XRN2: variants seen among roughly 807,000 people sequenced by gnomAD.
XRN2 encodes the protein 5'-3' exoribonuclease 2, also known as DHM1-like protein.
Under a neutral mutation model 138.5 loss-of-function variants are expected in XRN2, and 44 were observed. That is an observed-to-expected ratio of 0.32 (90% CI 0.25 to 0.41). The LOEUF (loss-of-function observed/expected upper bound fraction) is 0.41. XRN2 is among the 10% of genes least tolerant of loss of function. The pLI, the probability that XRN2 is intolerant of heterozygous loss-of-function variation, is 1.00. For missense variants in XRN2, 937 were observed against 1,169.3 expected (o/e 0.80, Z 2.90); for synonymous variants, 354 against 369.4 (o/e 0.96, Z 0.48).
chr20:21,313,874 A>G (rs2037922029), intron 1 of XRN2, among the ~76,000 whole-genome samples: 1 of 152,166 alleles, frequency 6.6e-6, no homozygotes, highest in Non-Finnish European at 1.5e-5. Context: ...ATTTTCTCTA[A>G]TATGATTATT....
intron 1 of XRN2, among the ~76,000 whole-genome samples, chr20:21,317,474 A>G (rs1306434405): frequency 3.3e-5 from 5 of 152,272 alleles, no homozygotes; most frequent in Non-Finnish European, 7.3e-5. Context: ...ATGGTGTATA[A>G]TATTTTAATA....
chr20:21,330,797 GC>G, intron 6 of XRN2, 92 bp downstream of exon 6: 1 of 1,224,914 alleles, frequency 8.2e-7, no homozygotes, highest in African/African-American at 1.5e-5. Context: ...CTTCTGCCCT[GC>G]CCCATAAAAT....
At chr20:21,343,642 T>C (rs1443821065) in intron 15 of XRN2, among the ~76,000 whole-genome samples, 2 of 151,162 alleles carry the variant, frequency 1.3e-5, no homozygotes, top group African/African-American at 2.4e-5. Flanking sequence ...ATATATGTAA[T>C]GCATTTTATA....
Position 21,344,101 on chromosome 20 carries a change from A to C in XRN2, c.1422A>C (p.Ile474=). ...MRMQNNSSPS[I]SPNTSFTSDG... is the part of the protein sequence containing the mutation. ...ATCATTGTCTGCAGAGTCCTTCGAT[A>C]TCTCCTAATACGAGTTTCACATCTG... is the stretch of plus-strand genomic sequence containing the variant. The change falls in exon 16 of 30, where the codon ATA becomes ATC. Residue 474 remains isoleucine, a synonymous_variant. Transcript: ENST00000377191. 2 of 1,610,402 alleles carry C rather than the reference A, an allele frequency of 1.2e-6. No individual in the cohort carries two copies. The highest frequency in any genetic ancestry group is 1.3e-5 in the African/African-American group (1 of 74,966).
intron 27 of XRN2, among the ~76,000 whole-genome samples, chr20:21,380,154 G>A (rs2122354975): frequency 6.6e-6 from 1 of 152,204 alleles, no homozygotes; most frequent in Non-Finnish European, 1.5e-5. Flanking sequence ...TGATTCCAGG[G>A]GATGTGAAGT....
At chr20:21,329,457 C>G (rs1326378082) in intron 4 of XRN2, among the ~76,000 whole-genome samples, 3 of 152,136 alleles carry the variant, frequency 2.0e-5, no homozygotes, top group Admixed American at 6.5e-5. Flanking sequence ...TGTCTTGGCT[C>G]CGGATAATTG....
Position 21,305,747 on chromosome 20 carries a change from CTT to C in XRN2, c.75+2289_75+2290del, listed in dbSNP as rs367955344. 4.2e-3 allele frequency among the ~76,000 whole-genome samples: 166 copies of C among 39,142 alleles called. 49 individuals are homozygous for C. The highest frequency in any genetic ancestry group is 0.042 in the Middle Eastern group (2 of 48). The allele number at this position is 39,142 out of a possible 152,430, so 25.7% of individuals were successfully genotyped here. On this transcript the variant is annotated intron_variant, in intron 1 of 29. Coordinates refer to ENST00000377191, the MANE Select transcript of XRN2 (RefSeq NM_012255.5). ...GTTTTCTTAGTTTTTATTCTTAATTCTTTTTTTTTTTTTTTTGAGACGGAGCC... is the reference window on the plus strand; with the variant it reads ...GTTTTCTTAGTTTTTATTCTTAATTCTTTTTTTTTTTTTTGAGACGGAGCC...
At chr20:21,346,190 C>A (rs1380334336) in intron 16 of XRN2, among the ~76,000 whole-genome samples, 1 of 152,012 alleles carries the variant, frequency 6.6e-6, no homozygotes, top group African/African-American at 2.4e-5. Flanking sequence ...ATGGTCTTAC[C>A]AGAATCAGTG....
At chr20:21,330,351 A>G (rs2038189862) in intron 4 of XRN2, 130 bp from the exon 5 acceptor site, 3 of 759,320 alleles carry the variant, frequency 4.0e-6, no homozygotes, top group Non-Finnish European at 6.1e-6. Flanking sequence ...GTGAGGGAAC[A>G]TTTTTCCTCG....
intron 1 of XRN2, among the ~76,000 whole-genome samples, chr20:21,321,919 T>C (rs1399447553): frequency 6.6e-6 from 1 of 152,220 alleles, no homozygotes; most frequent in Non-Finnish European, 1.5e-5. Flanking sequence ...TTGTATCCTC[T>C]GTAGTACCTG....
chr20:21,342,640 A>C (rs2038386793), intron 15 of XRN2, among the ~76,000 whole-genome samples: 1 of 152,262 alleles, frequency 6.6e-6, no homozygotes, highest in Non-Finnish European at 1.5e-5. Flanking sequence ...TTGAAAAAAC[A>C]ATAGTGATTA....
chr20:21,304,660 G>A (rs566071778), intron 1 of XRN2, among the ~76,000 whole-genome samples: 7 of 152,130 alleles, frequency 4.6e-5, no homozygotes, highest in African/African-American at 1.7e-4. Flanking sequence ...AATAGGAGAG[G>A]ATTTAGTCAC....
chr20:21,364,436 C>T (rs1405228128), intron 24 of XRN2, among the ~76,000 whole-genome samples: 4 of 152,104 alleles, frequency 2.6e-5, no homozygotes, highest in Non-Finnish European at 5.9e-5. Flanking sequence ...CACATACATA[C>T]CACTACCACG....
chr20:21,344,062 T>C, intron 15 of XRN2, 28 bp from the exon 16 acceptor site: 1 of 1,511,706 alleles, frequency 6.6e-7, no homozygotes, highest in East Asian at 2.3e-5. Flanking sequence ...ATGAAATCCT[T>C]CTTCTGTAAT....
Position 21,339,102 on chromosome 20 carries a change from A to AAATT in XRN2, c.1278+15_1278+16insATTA. On this transcript the variant is annotated intron_variant, in intron 14 of 29. Coordinates refer to ENST00000377191, the MANE Select transcript of XRN2 (RefSeq NM_012255.5). ...AAGAGAATGAAGGTGAGTTTTAATT[A>AAATT]ATTTCATGAGATTGGCAATAGCGTA... 3 of 1,602,646 alleles carry AAATT rather than the reference A, an allele frequency of 1.9e-6. No individual in the cohort carries two copies. The highest frequency in any genetic ancestry group is 2.6e-6 in the Non-Finnish European group (3 of 1,172,630).
intron 27 of XRN2, among the ~76,000 whole-genome samples, chr20:21,375,945 TCTC>T (rs1462607453): frequency 6.6e-6 from 1 of 151,668 alleles, no homozygotes; most frequent in African/African-American, 2.4e-5. Flanking sequence ...TTCATGCCAT[TCTC>T]CTGCCTCAGC....
Position 21,328,606 on chromosome 20 carries a change from A to T in XRN2, c.363A>T (p.Ala121=). ...MNQQRSRRFR[A]SKEGMEAAVE... is the part of the protein sequence containing the mutation. Reference sequence around the variant, plus strand: ...AGCAGCGTTCAAGGAGGTTCAGGGCATCAAAAGAAGGAATGGAAGCAGCAG... The same window carrying T: ...AGCAGCGTTCAAGGAGGTTCAGGGCTTCAAAAGAAGGAATGGAAGCAGCAG... Residue 121 remains alanine (A), a synonymous_variant, in exon 4 of 30, where the codon GCA becomes GCT. Coordinates refer to ENST00000377191, the MANE Select transcript of XRN2 (RefSeq NM_012255.5). 6.2e-7 allele frequency: 1 copy of T among 1,614,144 alleles called. No homozygotes were observed. Among genetic ancestry groups the T allele is most frequent in the Non-Finnish European group, 8.5e-7 (1 of 1,180,006 alleles).
chr20:21,339,566 C>T (rs2038344513), intron 14 of XRN2, among the ~76,000 whole-genome samples: 1 of 152,172 alleles, frequency 6.6e-6, no homozygotes, highest in South Asian at 2.1e-4. Flanking sequence ...TGAATTCCAG[C>T]CGTCCAGCAC....
At chr20:21,312,951 A>G (rs1261376576) in intron 1 of XRN2, among the ~76,000 whole-genome samples, 3 of 152,204 alleles carry the variant, frequency 2.0e-5, no homozygotes, top group East Asian at 3.9e-4. Context: ...ACAGTTTGCC[A>G]GTTGAGTGGC....
Sources: allele counts gnomAD v4.1 joint callset (sites outside exome capture counted in the v4.1 genomes callset), GRCh38; gene constraint gnomAD v4.1.1; transcripts MANE v1.5; gene names NCBI Gene and HGNC (gene_info 2026-07-23, HGNC 2026-07-21).